The following PCLO variants were observed in gnomAD, a reference collection of about 807,000 sequenced individuals.
The protein encoded by PCLO is protein piccolo.
A neutral mutation model predicts 427.5 loss-of-function variants in PCLO; 82 were observed. That is an observed-to-expected ratio of 0.19 (90% CI 0.16 to 0.23). The LOEUF (loss-of-function observed/expected upper bound fraction) is 0.23. Among genes scored for constraint, PCLO ranks in the 10% least tolerant of loss-of-function variants. The probability of loss-of-function intolerance (pLI) is 1.00; values close to 1 mark genes in which losing one functional copy is unlikely to be tolerated. For synonymous variants in PCLO, 2,357 were observed against 2,155.4 expected (o/e 1.09, Z -2.59); for missense variants, 6,239 against 6,115.9 (o/e 1.02, Z -0.67).
In PCLO at chr7:82,950,475, T is replaced by C. The variant is rs1795312725; in HGVS notation, c.10113A>G (p.Gln3371=). 1 of 1,613,702 alleles carries C rather than the reference T, an allele frequency of 6.2e-7. No individual in the cohort carries two copies. The highest frequency in any genetic ancestry group is 1.1e-5 in the South Asian group (1 of 91,082). ...AVVAIEIPQS[Q]GWYTVQSDGV... Reference sequence around the variant, plus strand: ...CATCAGACTGAACGGTGTACCATCCTTGGCTTTGTGGTATTTCAATTGCCA... The same window carrying C: ...CATCAGACTGAACGGTGTACCATCCCTGGCTTTGTGGTATTTCAATTGCCA... Residue 3371 remains glutamine, a synonymous_variant, in exon 6 of 25, where the codon CAA becomes CAG. Coordinates refer to ENST00000333891, the MANE Select transcript of PCLO (RefSeq NM_033026.6).
intron 3 of PCLO, among the ~76,000 whole-genome samples, chr7:83,093,472 G>GTGTGTGTGTGTGTATATA (rs745824155): frequency 2.6e-4 from 26 of 99,156 alleles, no homozygotes; most frequent in East Asian, 1.2e-3. Context: ...ATGTGTGTGT[G>GTGTGTGTGTGTGTATATA]TATAGATATA....
In PCLO at chr7:83,162,437, C is replaced by A; in HGVS notation, c.156G>T (p.Glu52Asp). 1 of 1,595,674 alleles carries A rather than the reference C, an allele frequency of 6.3e-7. No individual in the cohort carries two copies. Among genetic ancestry groups the A allele is most frequent in the Admixed American group, 1.7e-5 (1 of 57,710 alleles). Residue 52 changes from glutamate to aspartate, a missense_variant, in exon 1 of 25, where the codon GAG (glutamate) becomes GAT (aspartate). Around this residue, in one of 5 missense-constraint regions of PCLO, gnomAD observed 4,677 missense variants for 4,468.4 expected, o/e 1.05. Coordinates refer to ENST00000333891, the MANE Select transcript of PCLO (RefSeq NM_033026.6). ...EADLSQLSEE[E>D]RRQIAAVMSR... ...ACATGACAGCGGCGATCTGTCTCCT[C>A]TCCTCTTCGCTCAGCTGGCTCAAAT... is the stretch of plus-strand genomic sequence containing the variant.
intron 3 of PCLO, among the ~76,000 whole-genome samples, chr7:83,122,294 T>C (rs1289610482): frequency 1.3e-5 from 2 of 149,490 alleles, no homozygotes; most frequent in Non-Finnish European, 3.0e-5. Flanking sequence ...TTCTTTTTTT[T>C]TTTTTTTTTT....
In PCLO at chr7:82,862,274, G is replaced by A. The variant is rs185454631; in HGVS notation, c.13655-15027C>T. On this transcript the variant is annotated intron_variant, in intron 10 of 24. Coordinates refer to ENST00000333891, the MANE Select transcript of PCLO (RefSeq NM_033026.6). The stretch of plus-strand genomic sequence containing the variant: ...ATATAATTTCACCCCAGTTAAAATG[G>A]CTTATGTCCAAAAGACAGGCAATAA... Among the ~76,000 whole-genome samples, 39 of 151,978 alleles carry A rather than the reference G, an allele frequency of 2.6e-4. 1 individual carries two copies. In the East Asian group the frequency reaches 7.3e-3, roughly 29 times the overall value.
intron 3 of PCLO, among the ~76,000 whole-genome samples, chr7:83,120,402 G>GGAA (rs1554400504): frequency 6.2e-5 from 5 of 80,788 alleles, no homozygotes; most frequent in South Asian, 5.1e-4. Context: ...CTCTGCCTCA[G>GGAA]AAAAAAAAAA....
intron 3 of PCLO, among the ~76,000 whole-genome samples, chr7:83,007,107 G>C (rs1010575810): frequency 1.3e-5 from 2 of 151,424 alleles, no homozygotes; most frequent in African/African-American, 4.8e-5. Context: ...AATTAGTAGG[G>C]CCTCAATAAA....
rs1790300240 is a variant in PCLO, at chr7:82,755,530, A to C, written c.*3045T>G. ...TTTAGGACCAAATTTGAAACCAAGAAGCAACATCAGTCTCTGATGACTCAA... is the reference window on the plus strand; with the variant it reads ...TTTAGGACCAAATTTGAAACCAAGACGCAACATCAGTCTCTGATGACTCAA... On this transcript the variant is annotated 3_prime_UTR_variant, in exon 25 of 25. Coordinates refer to ENST00000333891, the MANE Select transcript of PCLO (RefSeq NM_033026.6). The C allele has an allele frequency of 6.6e-6, 1 of 152,178 alleles. No homozygotes were observed. Among genetic ancestry groups the C allele is most frequent in the South Asian group, 2.1e-4 (1 of 4,838 alleles). 9.4% of individuals were successfully genotyped at this position (152,178 alleles called of 1,614,324 possible). A position where few individuals can be genotyped will look rare whatever the true frequency, so the allele number is the denominator to read the frequency against.
Position 82,915,654 on chromosome 7 carries a change from T to C in PCLO, c.12332A>G (p.Glu4111Gly). Residue 4111 changes from glutamate (E) to glycine (G), a missense_variant, in exon 7 of 25, where the codon GAG becomes GGG. By Grantham distance (98) the Glu-to-Gly change is moderately conservative. Around this residue, in one of 5 missense-constraint regions of PCLO, gnomAD observed 680 missense variants for 677.3 expected, o/e 1.00. Transcript: ENST00000333891. ...SSRLHSYVKA[E>G]EDPMEDPYEL... ...GTAAGGATCCTCCATTGGGTCTTCCTCCGCCTTCACATAACTATGCAATCT... is the reference window on the plus strand; with the variant it reads ...GTAAGGATCCTCCATTGGGTCTTCCCCCGCCTTCACATAACTATGCAATCT... 2 of 1,613,442 alleles carry C rather than the reference T, an allele frequency of 1.2e-6. No homozygotes were observed. Among genetic ancestry groups the C allele is most frequent in the Non-Finnish European group, 1.7e-6 (2 of 1,179,698 alleles).
chr7:82,846,529 T>A (rs1330646707), intron 12 of PCLO, 38 bp downstream of exon 12: 1 of 1,323,310 alleles, frequency 7.6e-7, no homozygotes, highest in East Asian at 2.3e-5. Flanking sequence ...TATTTCTATC[T>A]CTTTATTTAC....
chr7:82,764,898 T>C (rs965066841), intron 22 of PCLO, among the ~76,000 whole-genome samples: 6 of 151,914 alleles, frequency 3.9e-5, no homozygotes, highest in African/African-American at 1.2e-4. Context: ...AGATAAAATA[T>C]TGAGACACTA....
intron 3 of PCLO, among the ~76,000 whole-genome samples, chr7:83,031,742 CT>C (rs1788672678): frequency 1.3e-5 from 2 of 151,406 alleles, no homozygotes; most frequent in Non-Finnish European, 1.5e-5. Context: ...CTCCCTCCCC[CT>C]CCCTCTCTCT....
At chr7:83,128,516 G>A (rs761913375) in intron 3 of PCLO, among the ~76,000 whole-genome samples, 6 of 151,974 alleles carry the variant, frequency 3.9e-5, no homozygotes, top group Admixed American at 1.3e-4. Flanking sequence ...TGCAAACTTC[G>A]TTAGACTATT....
intron 22 of PCLO, among the ~76,000 whole-genome samples, chr7:82,765,898 G>GA (rs957635708): frequency 2.0e-5 from 3 of 150,914 alleles, no homozygotes; most frequent in Admixed American, 6.6e-5. Flanking sequence ...AGCGGGGGGA[G>GA]AAAAAAAAGT....
chr7:83,010,150 T>C (rs1318010243), intron 3 of PCLO, among the ~76,000 whole-genome samples: 2 of 151,942 alleles, frequency 1.3e-5, no homozygotes, highest in African/African-American at 4.8e-5. Flanking sequence ...ATTATTTTCT[T>C]CATGACCTTA....
At chr7:83,020,541 T>C (rs1165711797) in intron 3 of PCLO, among the ~76,000 whole-genome samples, 1 of 152,124 alleles carries the variant, frequency 6.6e-6, no homozygotes, top group Admixed American at 6.6e-5. Flanking sequence ...CATAGCGTTT[T>C]GTCTCTTTTG....
At position 83,071,047 on chromosome 7, in the gene PCLO, T is replaced by C. The variant is rs147660142; in HGVS notation, c.3300+63203A>G. 9.1e-4 allele frequency among the ~76,000 whole-genome samples: 138 copies of C among 152,248 alleles called. 4 individuals are homozygous for C. The East Asian group carries it at 0.021, about 23-fold the overall frequency. On this transcript the variant is annotated intron_variant, in intron 3 of 24. Coordinates refer to ENST00000333891, the MANE Select transcript of PCLO (RefSeq NM_033026.6). ...TGGATTTGAAAAGTTTTTATTGTGA[T>C]AAAATACATGTAACATGAAATATGC...
chr7:82,782,503 C>G (rs1007476485), intron 22 of PCLO, among the ~76,000 whole-genome samples: 1 of 152,054 alleles, frequency 6.6e-6, no homozygotes, highest in African/African-American at 2.4e-5. Context: ...TACAGTGCAT[C>G]CAATATTGTA....
intron 3 of PCLO, among the ~76,000 whole-genome samples, chr7:83,027,189 C>A (rs1788524690): frequency 7.3e-6 from 1 of 136,896 alleles, no homozygotes; most frequent in African/African-American, 2.6e-5. Context: ...AAAGGATCAA[C>A]AAAATTGATA....
intron 3 of PCLO, among the ~76,000 whole-genome samples, chr7:83,115,196 G>C (rs916452095): frequency 1.3e-5 from 2 of 152,068 alleles, no homozygotes; most frequent in African/African-American, 4.8e-5. Flanking sequence ...TTGTTACCGT[G>C]TGTTCTAATT....
Sources: gnomAD v4.1 joint callset for allele counts (sites outside exome capture counted in the v4.1 genomes callset) on GRCh38, gnomAD v4.1.1 for gene constraint, gnomAD v4.1.1 regional missense constraint, MANE v1.5 for transcripts, NCBI Gene and HGNC (gene_info 2026-07-23, HGNC 2026-07-21) for gene names.